NRCAM: variants seen among roughly 807,000 people sequenced by gnomAD.
NRCAM encodes the protein NgCAM-related cell adhesion molecule.
NRCAM carries 83 observed loss-of-function variants against 156.5 expected under a neutral mutation model. The ratio of observed to expected loss-of-function variants is 0.53; its 90% confidence interval spans 0.44 to 0.64. NRCAM has a LOEUF of 0.64. NRCAM is among the 30% of genes least tolerant of loss of function. The probability of loss-of-function intolerance (pLI) is 0.00; values close to 1 mark genes in which losing one functional copy is unlikely to be tolerated. For missense variants in NRCAM, 1,417 were observed against 1,597.3 expected, an observed-to-expected ratio of 0.89 and a Z score of 1.92; for synonymous variants, 538 against 563.9, an observed-to-expected ratio of 0.95 and a Z score of 0.65.
At chr7:108,255,822 C>G (rs1466375984) in intron 3 of NRCAM, among the ~76,000 whole-genome samples, 2 of 151,634 alleles carry the variant, frequency 1.3e-5, no homozygotes, top group Admixed American at 6.5e-5. Context: ...CGGGCTGCCC[C>G]CTCTGAGAAG....
At chr7:108,230,725 CT>C (rs35174617) in intron 8 of NRCAM, among the ~76,000 whole-genome samples, 52 of 147,804 alleles carry the variant, frequency 3.5e-4, no homozygotes, top group Middle Eastern at 3.5e-3. Context: ...CAAAACTCTG[CT>C]TTTTTTTTTT....
Position 108,166,920 on chromosome 7 carries a change from C to G in NRCAM, c.3466+1G>C. ...CAGAACAGGTGTGGTGTGAGCCTCA[C>G]CTGGGCCTGTCTCAAACACATCCTC... On this transcript the variant is annotated splice_donor_variant, in intron 30 of 32. Coordinates refer to ENST00000379028, the MANE Select transcript of NRCAM (RefSeq NM_001037132.4). LOFTEE classifies it high-confidence loss of function. The G allele has an allele frequency of 6.2e-7, 1 of 1,613,642 alleles. No individual in the cohort carries two copies. Among genetic ancestry groups the G allele is most frequent in the East Asian group, 2.2e-5 (1 of 44,842 alleles).
At chr7:108,358,244 CAAA>C (rs71314689) in intron 2 of NRCAM, among the ~76,000 whole-genome samples, 3 of 71,782 alleles carry the variant, frequency 4.2e-5, no homozygotes, top group African/African-American at 6.0e-5. Flanking sequence ...CCCCTCTCTA[CAAA>C]AAAAAAAAAA....
intron 1 of NRCAM, among the ~76,000 whole-genome samples, chr7:108,438,288 G>A (rs1029283293): frequency 6.6e-6 from 1 of 151,968 alleles, no homozygotes; most frequent in African/African-American, 2.4e-5. Flanking sequence ...AAATATTAAC[G>A]ATCTGAATTC....
intron 1 of NRCAM, among the ~76,000 whole-genome samples, chr7:108,408,189 T>G (rs1790833943): frequency 6.6e-6 from 1 of 152,182 alleles, no homozygotes; most frequent in Non-Finnish European, 1.5e-5. Flanking sequence ...ATCCAACCTT[T>G]AATTGCCTAT....
intron 2 of NRCAM, among the ~76,000 whole-genome samples, chr7:108,356,024 T>C (rs981356034): frequency 1.3e-5 from 2 of 152,000 alleles, no homozygotes; most frequent in African/African-American, 4.8e-5. Flanking sequence ...TGTCGGCTCA[T>C]TGCAACCTCT....
At chr7:108,434,470 C>T (rs1829661299) in intron 1 of NRCAM, among the ~76,000 whole-genome samples, 1 of 151,562 alleles carries the variant, frequency 6.6e-6, no homozygotes, top group Non-Finnish European at 1.5e-5. Context: ...CTGAGTTGAC[C>T]AGGGCCACAC....
chr7:108,397,395 G>T (rs1336671998), intron 2 of NRCAM, among the ~76,000 whole-genome samples: 6 of 152,110 alleles, frequency 3.9e-5, no homozygotes, highest in Non-Finnish European at 7.4e-5. Flanking sequence ...TAGTACTATT[G>T]TAAGTATTAT....
intron 2 of NRCAM, among the ~76,000 whole-genome samples, chr7:108,393,386 G>A (rs2154380053): frequency 6.6e-6 from 1 of 151,942 alleles, no homozygotes; most frequent in Non-Finnish European, 1.5e-5. Context: ...TATAATCTCT[G>A]TTTATATATA....
intron 3 of NRCAM, among the ~76,000 whole-genome samples, chr7:108,282,421 C>T (rs1001378646): frequency 2.0e-5 from 3 of 152,164 alleles, no homozygotes; most frequent in African/African-American, 7.2e-5. Flanking sequence ...TAGCACTCAT[C>T]TACCTATTTT....
chr7:108,227,402 T>C (rs2093653282), intron 8 of NRCAM, among the ~76,000 whole-genome samples: 1 of 152,244 alleles, frequency 6.6e-6, no homozygotes, highest in South Asian at 2.1e-4. Context: ...CATTGTGTAA[T>C]GATCAAATCA....
chr7:108,168,513 T>G, intron 28 of NRCAM, 111 bp from the exon 29 acceptor site: 3 of 1,040,476 alleles, frequency 2.9e-6, no homozygotes, highest in Non-Finnish European at 3.8e-6. Flanking sequence ...TAAATAGAAT[T>G]TACTGCTAAA....
intron 3 of NRCAM, among the ~76,000 whole-genome samples, chr7:108,259,181 T>G (rs2096795298): frequency 6.6e-6 from 1 of 152,224 alleles, no homozygotes; most frequent in Non-Finnish European, 1.5e-5. Context: ...AGAACTCGTG[T>G]ACTTTTATAA....
At chr7:108,294,209 T>G (rs1200529804) in intron 3 of NRCAM, among the ~76,000 whole-genome samples, 3 of 144,838 alleles carry the variant, frequency 2.1e-5, no homozygotes, top group Non-Finnish European at 4.6e-5. Context: ...TTTTTTTTTT[T>G]TTTTTTTTTT....
chr7:108,445,053 A>G (rs904787089), intron 1 of NRCAM, among the ~76,000 whole-genome samples: 2 of 152,212 alleles, frequency 1.3e-5, no homozygotes, highest in Non-Finnish European at 2.9e-5. Context: ...TTTGTAAACT[A>G]GATGAATTTA....
At chr7:108,418,901 A>T (rs186799663) in intron 1 of NRCAM, among the ~76,000 whole-genome samples, 20 of 152,280 alleles carry the variant, frequency 1.3e-4, no homozygotes, top group African/African-American at 4.6e-4. Flanking sequence ...TCTGGGGAAA[A>T]AAATCTGCTC....
chr7:108,258,228 C>T (rs563504830), intron 3 of NRCAM, among the ~76,000 whole-genome samples: 47 of 152,292 alleles, frequency 3.1e-4, no homozygotes, highest in Admixed American at 4.6e-4. Flanking sequence ...GCTGAAAGCC[C>T]GCTAAAATGG....
rs2076066847 is a variant in NRCAM, at chr7:108,198,085, G to C, written c.1222C>G (p.Pro408Ala). The C allele has an allele frequency of 6.2e-7, 1 of 1,602,746 alleles. No homozygotes were observed. Among genetic ancestry groups the C allele is most frequent in the Admixed American group, 1.7e-5 (1 of 57,898 alleles). Residue 408 changes from proline (P) to alanine (A), a missense_variant, in exon 14 of 33, where the codon CCC (proline) becomes GCC (alanine). Coordinates refer to ENST00000379028, the MANE Select transcript of NRCAM (RefSeq NM_001037132.4). ...GVPIEIAPDDPSRKIDGDTII... is the reference protein window; with the variant it reads ...GVPIEIAPDDASRKIDGDTII... ...GTATCGCCATCTATTTTTCTGCTGG[G>C]GTCATCAGGGGCAACTGTTTGGATG...
At chr7:108,433,945 C>T (rs1828988010) in intron 1 of NRCAM, among the ~76,000 whole-genome samples, 1 of 152,208 alleles carries the variant, frequency 6.6e-6, no homozygotes, top group Admixed American at 6.5e-5. Flanking sequence ...CACAAACACA[C>T]ACAGTGTTAT....
Sources: allele counts gnomAD v4.1 joint callset (sites outside exome capture counted in the v4.1 genomes callset), GRCh38; gene constraint gnomAD v4.1.1; transcripts MANE v1.5; gene names NCBI Gene and HGNC (gene_info 2026-07-23, HGNC 2026-07-21).